The following PRKCE variants were observed in gnomAD, a reference collection of about 807,000 sequenced individuals.
PRKCE encodes protein kinase C epsilon.
In PRKCE, 16 loss-of-function variants were observed where a neutral mutation model predicts 85.4. The ratio of observed to expected loss-of-function variants is 0.19; its 90% confidence interval spans 0.13 to 0.28. PRKCE has a LOEUF of 0.28. Among genes scored for constraint, PRKCE ranks in the 10% least tolerant of loss-of-function variants. The probability of loss-of-function intolerance (pLI) is 1.00; values close to 1 mark genes in which losing one functional copy is unlikely to be tolerated. For synonymous variants in PRKCE, 388 were observed against 371.5 expected, an observed-to-expected ratio of 1.04 and a Z score of -0.51; for missense variants, 573 against 975.2, an observed-to-expected ratio of 0.59 and a Z score of 5.49.
At chr2:45,966,560 A>G (rs573271222) in intron 2 of PRKCE, among the ~76,000 whole-genome samples, 1 of 152,198 alleles carries the variant, frequency 6.6e-6, no homozygotes, top group Non-Finnish European at 1.5e-5. Flanking sequence ...TTGTAAAATT[A>G]CCTTGAAGAC....
intron 2 of PRKCE, among the ~76,000 whole-genome samples, chr2:45,887,928 T>G (rs1223496786): frequency 6.6e-6 from 1 of 151,906 alleles, no homozygotes; most frequent in African/African-American, 2.4e-5. Flanking sequence ...ACTTTGAGAG[T>G]TGGCTTTAGC....
intron 6 of PRKCE, among the ~76,000 whole-genome samples, chr2:45,989,460 A>G (rs1703620671): frequency 6.6e-6 from 1 of 152,198 alleles, no homozygotes; most frequent in South Asian, 2.1e-4. Flanking sequence ...CCTAGCTGGG[A>G]GGTTGCAAGC....
At chr2:45,822,660 G>T (rs1157170701) in intron 1 of PRKCE, among the ~76,000 whole-genome samples, 1 of 152,200 alleles carries the variant, frequency 6.6e-6, no homozygotes, top group Non-Finnish European at 1.5e-5. Context: ...GGCAATTTAA[G>T]TGGTGGTTGG....
intron 1 of PRKCE, among the ~76,000 whole-genome samples, chr2:45,776,820 C>T (rs1306795265): frequency 1.3e-5 from 2 of 152,202 alleles, no homozygotes; most frequent in African/African-American, 4.8e-5. Context: ...GCCTCTGGTT[C>T]TTTTCTGACT....
At chr2:45,885,002 T>TATATATATTTTTTTTGTTG (rs1553440407) in intron 2 of PRKCE, among the ~76,000 whole-genome samples, 2 of 97,642 alleles carry the variant, frequency 2.0e-5, no homozygotes, top group Non-Finnish European at 4.2e-5. Flanking sequence ...TATATATATA[T>TATATATATTTTTTTTGTTG]TTGTTGTTGT....
At chr2:46,168,502 G>T (rs1192706280) in intron 14 of PRKCE, among the ~76,000 whole-genome samples, 1 of 152,220 alleles carries the variant, frequency 6.6e-6, no homozygotes, top group Non-Finnish European at 1.5e-5. Flanking sequence ...ATTCAGGTCA[G>T]TTATATTCAA....
At chr2:45,745,042 G>C (rs559460378) in intron 1 of PRKCE, among the ~76,000 whole-genome samples, 130 of 152,304 alleles carry the variant, frequency 8.5e-4, no homozygotes, top group African/African-American at 2.9e-3. Flanking sequence ...GAACAGCCCT[G>C]AGTAGAATTT....
chr2:45,846,873 A>G (rs1452825443), intron 2 of PRKCE, among the ~76,000 whole-genome samples: 1 of 152,202 alleles, frequency 6.6e-6, no homozygotes, highest in Non-Finnish European at 1.5e-5. Context: ...CATGTAAGAG[A>G]TGATCAGTAA....
intron 10 of PRKCE, among the ~76,000 whole-genome samples, chr2:46,012,312 TTTTTC>T (rs1705754463): frequency 6.6e-6 from 1 of 152,082 alleles, no homozygotes; most frequent in African/African-American, 2.4e-5. Context: ...TTCCTTTTTT[TTTTTC>T]TTTTCTTTCC....
intron 3 of PRKCE, 95 bp downstream of exon 3, chr2:45,976,683 G>A (rs2104533953): frequency 1.4e-6 from 2 of 1,403,774 alleles, no homozygotes; most frequent in South Asian, 1.3e-5. Flanking sequence ...TTTAAAGAAT[G>A]CTGGTGTGCC....
In PRKCE at chr2:46,015,762, A is replaced by G. The variant is rs532433071; in HGVS notation, c.1437+5245A>G. Among the ~76,000 whole-genome samples, 5 of 151,592 alleles carry G rather than the reference A, an allele frequency of 3.3e-5. No homozygotes were observed. The East Asian group carries it at 9.7e-4, about 29-fold the overall frequency. ...TAGATTTTGTTCTAAAGAGACAGCT[A>G]TGTCAGATTAAATCTAAACGAGCTG... On this transcript the variant is annotated intron_variant, in intron 10 of 14. Coordinates refer to ENST00000306156, the MANE Select transcript of PRKCE (RefSeq NM_005400.3).
At chr2:45,728,726 T>C (rs1181444397) in intron 1 of PRKCE, among the ~76,000 whole-genome samples, 2 of 152,202 alleles carry the variant, frequency 1.3e-5, no homozygotes, top group Non-Finnish European at 2.9e-5. Flanking sequence ...GTTTTCAGTA[T>C]CTGAGCAATA....
At chr2:45,723,946 C>T (rs1680840279) in intron 1 of PRKCE, among the ~76,000 whole-genome samples, 1 of 152,164 alleles carries the variant, frequency 6.6e-6, no homozygotes, top group African/African-American at 2.4e-5. Context: ...ATGACATAGT[C>T]TGTTCTTACA....
intron 10 of PRKCE, among the ~76,000 whole-genome samples, chr2:46,036,328 G>A (rs940773843): frequency 6.6e-6 from 1 of 152,204 alleles, no homozygotes; most frequent in African/African-American, 2.4e-5. Context: ...TGTAATGCCA[G>A]CACTTTGGGA....
At chr2:45,972,217 G>A (rs2166970) in intron 2 of PRKCE, among the ~76,000 whole-genome samples, 122,990 of 151,690 alleles carry the variant, frequency 0.81, 50,448 homozygotes, top group East Asian at 0.97. Context: ...GATTAGTGAT[G>A]TAGAACATCT....
intron 2 of PRKCE, among the ~76,000 whole-genome samples, chr2:45,971,522 G>T (rs913585712): frequency 4.6e-5 from 7 of 152,162 alleles, no homozygotes; most frequent in Non-Finnish European, 7.4e-5. Flanking sequence ...GTATCAAGTG[G>T]TTCTCTCTGG....
chr2:46,067,832 C>A (rs1667753298), intron 10 of PRKCE, among the ~76,000 whole-genome samples: 1 of 152,080 alleles, frequency 6.6e-6, no homozygotes, highest in Non-Finnish European at 1.5e-5. Context: ...ACGCTACAGA[C>A]CAAGAATATA....
intron 11 of PRKCE, among the ~76,000 whole-genome samples, chr2:46,123,322 G>T (rs1334916815): frequency 7.3e-6 from 1 of 137,538 alleles, no homozygotes; most frequent in East Asian, 2.3e-4. Context: ...ACTATTCCCT[G>T]CAATTGTGGG....
chr2:45,874,641 C>G (rs1427782001), intron 2 of PRKCE, among the ~76,000 whole-genome samples: 1 of 152,200 alleles, frequency 6.6e-6, no homozygotes, highest in Non-Finnish European at 1.5e-5. Flanking sequence ...AGGTGCACCA[C>G]CTGTTTTATT....
Sources: gnomAD v4.1 joint callset for allele counts (sites outside exome capture counted in the v4.1 genomes callset) on GRCh38, gnomAD v4.1.1 for gene constraint, MANE v1.5 for transcripts, NCBI Gene and HGNC (gene_info 2026-07-23, HGNC 2026-07-21) for gene names.